The following MYO16 variants were observed in gnomAD, a reference collection of about 807,000 sequenced individuals.
MYO16 encodes myosin XVI, also known as unconventional myosin-XVI.
MYO16 carries 94 observed loss-of-function variants against 205.3 expected under a neutral mutation model. That is an observed-to-expected ratio of 0.46 (90% CI 0.39 to 0.54). The LOEUF (loss-of-function observed/expected upper bound fraction) is 0.54. MYO16 is among the 20% of genes least tolerant of loss of function. The pLI, the probability that MYO16 is intolerant of heterozygous loss-of-function variation, is 0.00. For synonymous variants in MYO16, 988 were observed against 954.0 expected (o/e 1.04, Z -0.66); for missense variants, 2,315 against 2,387.5 (o/e 0.97, Z 0.63).
At chr13:108,963,548 T>A (rs1883669972) in intron 19 of MYO16, among the ~76,000 whole-genome samples, 1 of 152,200 alleles carries the variant, frequency 6.6e-6, no homozygotes, top group African/African-American at 2.4e-5. Context: ...TTATCTCACC[T>A]TATCTCAACT....
intron 15 of MYO16, 88 bp from the exon 16 acceptor site, chr13:108,909,915 A>T: frequency 7.4e-7 from 1 of 1,346,166 alleles, no homozygotes; most frequent in South Asian, 1.4e-5. Flanking sequence ...CAGTCCTTGT[A>T]TCTCTTGTAA....
intron 34 of MYO16, among the ~76,000 whole-genome samples, chr13:109,204,335 G>A (rs1051999167): frequency 2.0e-5 from 3 of 152,172 alleles, no homozygotes; most frequent in Non-Finnish European, 4.4e-5. Flanking sequence ...TCCTGATCTG[G>A]TGACATTGTT....
chr13:109,041,440 A>G (rs1443044418), intron 23 of MYO16, among the ~76,000 whole-genome samples: 1 of 152,220 alleles, frequency 6.6e-6, no homozygotes, highest in Admixed American at 6.5e-5. Context: ...ATAAAGAAGA[A>G]TGAAGTGGGA....
In MYO16 at chr13:108,770,408, A is replaced by C. The variant is rs141979982; in HGVS notation, c.508-15227A>C. Among the ~76,000 whole-genome samples, 481 of 152,334 alleles carry C rather than the reference A, an allele frequency of 3.2e-3. 3 individuals carry two copies. The highest frequency in any genetic ancestry group is 0.011 in the African/African-American group (446 of 41,580). On this transcript the variant is annotated intron_variant, in intron 4 of 34. Coordinates refer to ENST00000457511, the MANE Select transcript of MYO16 (RefSeq NM_001198950.3). ...TAAAAGCAAATTATATAAACTGGTAACTTTTCTAAACTTTCTGTAAAATAT... is the reference window on the plus strand; with the variant it reads ...TAAAAGCAAATTATATAAACTGGTACCTTTTCTAAACTTTCTGTAAAATAT...
intron 4 of MYO16, among the ~76,000 whole-genome samples, chr13:108,767,261 C>A (rs974902023): frequency 6.6e-6 from 1 of 151,996 alleles, no homozygotes; most frequent in Admixed American, 6.5e-5. Context: ...CGCCACCATG[C>A]CCGGTTAATA....
intron 1 of MYO16, among the ~76,000 whole-genome samples, chr13:108,639,188 A>T (rs1311185289): frequency 6.6e-6 from 1 of 152,152 alleles, no homozygotes. Context: ...GAGAGACTGA[A>T]AATGGGAGAA....
intron 16 of MYO16, among the ~76,000 whole-genome samples, chr13:108,957,123 C>A (rs777393507): frequency 6.6e-6 from 1 of 152,070 alleles, no homozygotes; most frequent in Non-Finnish European, 1.5e-5. Flanking sequence ...CGGTGGCTCA[C>A]GCCTGTAATC....
At chr13:108,915,802 C>T (rs1881471977) in intron 16 of MYO16, among the ~76,000 whole-genome samples, 1 of 152,112 alleles carries the variant, frequency 6.6e-6, no homozygotes, top group Non-Finnish European at 1.5e-5. Flanking sequence ...ATTTTGAATG[C>T]TAAGTTGAAA....
chr13:108,638,851 A>T (rs78141978), intron 1 of MYO16, among the ~76,000 whole-genome samples: 10,347 of 152,146 alleles, frequency 0.068, 561 homozygotes, highest in African/African-American at 0.14. Flanking sequence ...TCCATGAGGA[A>T]GGTGTGTGCG....
chr13:109,025,820 A>G (rs943175630), intron 23 of MYO16, among the ~76,000 whole-genome samples: 2 of 152,208 alleles, frequency 1.3e-5, no homozygotes, highest in Non-Finnish European at 2.9e-5. Flanking sequence ...TTGATGTGAG[A>G]TGAGCAAATA....
intron 3 of MYO16, among the ~76,000 whole-genome samples, chr13:108,726,597 T>A (rs539214286): frequency 6.6e-6 from 1 of 150,972 alleles, no homozygotes; most frequent in African/African-American, 2.4e-5. Context: ...AAAATACTCA[T>A]AAAAGGACTG....
the MYO16 span, among the ~76,000 whole-genome samples, chr13:108,550,761 A>G: frequency 6.6e-6 from 1 of 152,354 alleles, no homozygotes. Context: ...CATGTATTGA[A>G]TCCCTGCTAA....
chr13:108,559,650 T>G, the MYO16 span, among the ~76,000 whole-genome samples: 50 of 151,782 alleles, frequency 3.3e-4, no homozygotes, highest in Admixed American at 2.6e-3. Context: ...ATTTTTTGTA[T>G]TTTTAGTAGA....
At position 109,055,487 on chromosome 13, in the gene MYO16, A is replaced by G; in HGVS notation, c.3227A>G (p.Asp1076Gly). 2 of 1,613,272 alleles carry G rather than the reference A, an allele frequency of 1.2e-6. No individual in the cohort carries two copies. Among genetic ancestry groups the G allele is most frequent in the Non-Finnish European group, 1.7e-6 (2 of 1,179,464 alleles). ...AACTCAAAGCTGCCAGATACTTTTG[A>G]TAATTTTTACGTGTCTGCTCAGCTA... ...PNNSKLPDTF[D>G]NFYVSAQLQY... Residue 1076 changes from aspartate to glycine, a missense_variant, in exon 27 of 35, where the codon GAT (aspartate) becomes GGT (glycine). Coordinates refer to ENST00000457511, the MANE Select transcript of MYO16 (RefSeq NM_001198950.3). This position sits in a 1 kb window ranked among gnomAD's most constrained non-coding sequence, Gnocchi z 5.0.
intron 16 of MYO16, among the ~76,000 whole-genome samples, chr13:108,938,276 C>T (rs1882577618): frequency 6.6e-6 from 1 of 152,144 alleles, no homozygotes; most frequent in Non-Finnish European, 1.5e-5. Context: ...TAAGAGCTGT[C>T]TGAGGCCAAC....
rs1884389621 is a variant in MYO16, at chr13:108,727,702, A to G, written c.507+119A>G. The G allele has an allele frequency of 3.6e-6, 4 of 1,096,904 alleles. No homozygotes were observed. The Admixed American group carries it at 7.7e-5, about 21-fold the overall frequency. 67.9% of individuals were successfully genotyped at this position (1,096,904 alleles called of 1,614,324 possible). Reference sequence around the variant, plus strand: ...TGGTTGAGAAAAATCTGCATATGTTATCATGTATCTCCCTAGAACACAAGA... The same window carrying G: ...TGGTTGAGAAAAATCTGCATATGTTGTCATGTATCTCCCTAGAACACAAGA... On this transcript the variant is annotated intron_variant, in intron 4 of 34. Coordinates refer to ENST00000457511, the MANE Select transcript of MYO16 (RefSeq NM_001198950.3).
chr13:108,915,598 G>A (rs9805313), intron 16 of MYO16, among the ~76,000 whole-genome samples: 47,392 of 151,936 alleles, frequency 0.31, 7,941 homozygotes, highest in Non-Finnish European at 0.37. Context: ...CTGCTTTTGG[G>A]AATTGAGATT....
intron 21 of MYO16, among the ~76,000 whole-genome samples, chr13:109,004,197 A>G (rs1304490177): frequency 6.6e-6 from 1 of 152,160 alleles, no homozygotes; most frequent in African/African-American, 2.4e-5. Flanking sequence ...TAAATGACCT[A>G]TTTGTGTTAA....
Position 109,046,959 on chromosome 13 carries a change from C to T in MYO16, c.2840C>T (p.Ser947Phe). Reference protein sequence around the residue: ...VVGAIEKNKDSLSQNLLFVMK... With the variant: ...VVGAIEKNKDFLSQNLLFVMK... ...GGGGCGATTGAAAAAAATAAAGACT[C>T]CCTTTCACAGAATCTTCTATTTGTA... Residue 947 changes from serine (S) to phenylalanine (F), a missense_variant, in exon 24 of 35, where the codon TCC becomes TTC. Physicochemically the swap from Ser to Phe is radical, Grantham distance 155. Around this residue, in one of 3 missense-constraint regions of MYO16, gnomAD observed 1,213 missense variants for 1,274.4 expected, o/e 0.95. Coordinates refer to ENST00000457511, the MANE Select transcript of MYO16 (RefSeq NM_001198950.3). 1 of 1,612,088 alleles carries T rather than the reference C, an allele frequency of 6.2e-7. No individual in the cohort carries two copies. Among genetic ancestry groups the T allele is most frequent in the South Asian group, 1.1e-5 (1 of 91,038 alleles).
Sources: allele counts gnomAD v4.1 joint callset (sites outside exome capture counted in the v4.1 genomes callset), GRCh38; gene constraint gnomAD v4.1.1; regional missense constraint gnomAD v4.1.1; non-coding constraint Gnocchi (gnomAD v3.1); transcripts MANE v1.5; gene names NCBI Gene and HGNC (gene_info 2026-07-23, HGNC 2026-07-21).